The following HTR3C variants were observed in gnomAD, a reference collection of about 807,000 sequenced individuals.
HTR3C encodes the protein 5-HT3-C.
Under a neutral mutation model 40.5 loss-of-function variants are expected in HTR3C, and 32 were observed. That is an observed-to-expected ratio of 0.79 (90% CI 0.60 to 1.06). The LOEUF (loss-of-function observed/expected upper bound fraction) is 1.06, where lower values mean the gene tolerates loss of function less well. Among genes scored for constraint, HTR3C ranks in the 50% least tolerant of loss-of-function variants. The probability of loss-of-function intolerance (pLI) is 0.00; values close to 1 mark genes in which losing one functional copy is unlikely to be tolerated. For missense variants in HTR3C, 523 were observed against 556.8 expected (o/e 0.94, Z 0.61); for synonymous variants, 209 against 217.1 (o/e 0.96, Z 0.33).
At chr3:184,055,245 G>C in intron 2 of HTR3C, 67 bp from the exon 3 acceptor site, 1 of 1,020,440 alleles carries the variant, frequency 9.8e-7, no homozygotes, top group East Asian at 2.4e-5. Context: ...ATATTGGTGG[G>C]AATATGAGGT....
rs752545082 is a variant in HTR3C, at chr3:184,056,125, G to A, written c.280-52G>A. 59 of 1,206,444 alleles carry A rather than the reference G, an allele frequency of 4.9e-5. 1 individual carries two copies. Among genetic ancestry groups the A allele is most frequent in the South Asian group, 3.9e-4 (32 of 82,560 alleles). 74.7% of individuals were successfully genotyped at this position (1,206,444 alleles called of 1,614,324 possible). A position where few individuals can be genotyped will look rare whatever the true frequency, so the allele number is the denominator to read the frequency against. On this transcript the variant is annotated intron_variant, in intron 3 of 8. Coordinates refer to ENST00000318351, the MANE Select transcript of HTR3C (RefSeq NM_130770.3). ...AAGAATGGAAAGGGTGGGAGAGGCCGACAGGACAAGCTCACCGTCACTCAC... is the reference window on the plus strand; with the variant it reads ...AAGAATGGAAAGGGTGGGAGAGGCCAACAGGACAAGCTCACCGTCACTCAC...
In HTR3C at chr3:184,054,770, G is replaced by C. The variant is rs1443055878; in HGVS notation, c.117G>C (p.Gly39=). The change falls in exon 2 of 9, where the codon GGG becomes GGC. Residue 39 remains glycine, a synonymous_variant. Coordinates refer to ENST00000318351, the MANE Select transcript of HTR3C (RefSeq NM_130770.3). ...ATTGCTCAGGCTTTGACCAGCATGG[G>C]GTTGACCCTGCTGTCTTCCAAGCAG... The part of the protein sequence containing the change: ...TINCSGFDQH[G]VDPAVFQAVF... 1 of 1,613,516 alleles carries C rather than the reference G, an allele frequency of 6.2e-7. No homozygotes were observed. Among genetic ancestry groups the C allele is most frequent in the East Asian group, 2.2e-5 (1 of 44,834 alleles).
rs1331655145 is a variant in HTR3C at position 184,053,144 on chromosome 3, C to T, written c.64C>T (p.Gln22Ter). 1 of 1,613,012 alleles carries T rather than the reference C, an allele frequency of 6.2e-7. No individual in the cohort carries two copies. The highest frequency in any genetic ancestry group is 2.2e-5 in the East Asian group (1 of 44,900). Residue 22 changes from glutamine (Q) to a stop codon, truncating the protein, a stop_gained, in exon 1 of 9, where the codon CAA (glutamine) becomes TAA (stop). Coordinates refer to ENST00000318351, the MANE Select transcript of HTR3C (RefSeq NM_130770.3). LOFTEE classifies it high-confidence loss of function. ...LLCLTVSLLL[Q>*]GRGDAFTINC... is the part of the protein sequence containing the mutation. ...CTGCCTCACTGTCAGTCTTCTGCTT[C>T]AAGGTAAGATGGGACGAGAACAGGG...
chr3:184,054,647 A>G lies in HTR3C; in HGVS notation c.68-74A>G, dbSNP rs540102377. ...ACCTGCTCCTCTCAGTACGTCCCCT[A>G]TTTTATCTCTCTGCAGAGAGACTCC... is the stretch of plus-strand genomic sequence containing the variant. On this transcript the variant is annotated intron_variant, in intron 1 of 8. Coordinates refer to ENST00000318351, the MANE Select transcript of HTR3C (RefSeq NM_130770.3). 4.1e-5 allele frequency: 54 copies of G among 1,320,896 alleles called. No individual in the cohort carries two copies. The South Asian group carries it at 8.4e-4, about 21-fold the overall frequency. The allele number at this position is 1,320,896 out of a possible 1,614,324, so 81.8% of individuals were successfully genotyped here.
Position 184,059,937 on chromosome 3 carries a change from G to A in HTR3C, c.1035G>A (p.Arg345=). Residue 345 remains arginine, a synonymous_variant, in exon 8 of 9, where the codon AGG becomes AGA. Transcript: ENST00000318351. The part of the protein sequence containing the change: ...VATTQPPPMP[R]WLHSLLLHCT... ...CCACCCAGCCCCCACCCATGCCTAGGTGGCTTCACTCCCTGCTGCTCCACT... is the reference window on the plus strand; with the variant it reads ...CCACCCAGCCCCCACCCATGCCTAGATGGCTTCACTCCCTGCTGCTCCACT... The A allele has an allele frequency of 6.2e-7, 1 of 1,613,848 alleles. No individual in the cohort carries two copies. Among genetic ancestry groups the A allele is most frequent in the Non-Finnish European group, 8.5e-7 (1 of 1,180,018 alleles).
intron 5 of HTR3C, among the ~76,000 whole-genome samples, chr3:184,057,788 G>T (rs371607608): frequency 6.6e-6 from 1 of 152,096 alleles, no homozygotes; most frequent in African/African-American, 2.4e-5. Context: ...CCTAATAAGC[G>T]CACATCACCC....
At chr3:184,053,178 A>G in intron 1 of HTR3C, 31 bp downstream of exon 1, 1 of 1,578,524 alleles carries the variant, frequency 6.3e-7, no homozygotes, top group Non-Finnish European at 8.7e-7. Context: ...GGAAGACCAG[A>G]GTGTGGTTCC....
At chr3:184,054,669 C>T in intron 1 of HTR3C, 52 bp from the exon 2 acceptor site, 1 of 1,465,142 alleles carries the variant, frequency 6.8e-7, no homozygotes, top group African/African-American at 1.4e-5. Flanking sequence ...TGCAGAGAGA[C>T]TCCAGCCCTG....
chr3:184,054,773 T>C lies in HTR3C; in HGVS notation c.120T>C (p.Val40=). 6.2e-7 allele frequency: 1 copy of C among 1,613,674 alleles called. No individual in the cohort carries two copies. The highest frequency in any genetic ancestry group is 8.5e-7 in the Non-Finnish European group (1 of 1,179,734). ...INCSGFDQHG[V]DPAVFQAVFD... ...GCTCAGGCTTTGACCAGCATGGGGT[T>C]GACCCTGCTGTCTTCCAAGCAGTGT... The change falls in exon 2 of 9, where the codon GTT becomes GTC. Residue 40 remains valine (V), a synonymous_variant. Transcript: ENST00000318351.
chr3:184,056,422 C>T (rs1173672003), intron 4 of HTR3C, 136 bp downstream of exon 4: 17 of 661,686 alleles, frequency 2.6e-5, no homozygotes, highest in Non-Finnish European at 4.0e-5. Flanking sequence ...CACATCACTA[C>T]GAGTAGAAGA....
rs1723397266 is a variant in HTR3C, at chr3:184,059,484, C to A, written c.769C>A (p.Pro257Thr). 8 of 1,614,044 alleles carry A rather than the reference C, an allele frequency of 5.0e-6. No individual in the cohort carries two copies. Among genetic ancestry groups the A allele is most frequent in the Non-Finnish European group, 6.8e-6 (8 of 1,180,032 alleles). Residue 257 changes from proline to threonine, a missense_variant, in exon 7 of 9, where the codon CCC (proline) becomes ACC (threonine). By Grantham distance (38) the Pro-to-Thr change is conservative (BLOSUM62 -1). Coordinates refer to ENST00000318351, the MANE Select transcript of HTR3C (RefSeq NM_130770.3). Reference protein sequence around the residue: ...PSLYIINLLVPSSFLVAIDAL... With the variant: ...PSLYIINLLVTSSFLVAIDAL... ...CCTCTACATCATAAACCTGCTGGTG[C>A]CCAGTAGCTTTCTGGTTGCCATTGA...
In HTR3C at chr3:184,058,598, G is replaced by A. The variant is rs1158463452; in HGVS notation, c.720+11G>A. On this transcript the variant is annotated intron_variant, in intron 6 of 8. Coordinates refer to ENST00000318351, the MANE Select transcript of HTR3C (RefSeq NM_130770.3). The stretch of plus-strand genomic sequence containing the variant: ...CAGATCATGTTTTATGTGAGTCCAG[G>A]GGCCCCTGTTTGACTTCTGATCCCA... 6.2e-7 allele frequency: 1 copy of A among 1,604,376 alleles called. No homozygotes were observed. The highest frequency in any genetic ancestry group is 2.3e-5 in the East Asian group (1 of 44,128).
At chr3:184,056,466 G>T (rs1723328163) in intron 4 of HTR3C, among the ~76,000 whole-genome samples, 180 bp downstream of exon 4, 1 of 152,094 alleles carries the variant, frequency 6.6e-6, no homozygotes, top group Admixed American at 6.6e-5. Context: ...AGAGCCCAGG[G>T]CCAGGCGCGG....
Position 184,058,430 on chromosome 3 carries a change from ACAG to A in HTR3C, c.566_568del (p.Ser189del). ...AACTGACCGGCCTCCCTTCCAGTGG[ACAG>A]CATGCTGCTGGGCATGGACAAGGAG... On this transcript the variant is annotated inframe_deletion, in exon 6 of 9. Coordinates refer to ENST00000318351, the MANE Select transcript of HTR3C (RefSeq NM_130770.3). 1.2e-6 allele frequency: 2 copies of A among 1,604,808 alleles called. No individual in the cohort carries two copies. Among genetic ancestry groups the A allele is most frequent in the Non-Finnish European group, 1.7e-6 (2 of 1,176,744 alleles).
Position 184,059,629 on chromosome 3 carries a change from C to T in HTR3C, c.914C>T (p.Thr305Ile). The change falls in exon 7 of 9, where the codon ACC (threonine) becomes ATC (isoleucine). Residue 305 changes from threonine (T) to isoleucine (I), a missense_variant. Physicochemically the swap from Thr to Ile is moderately conservative, Grantham distance 89 (BLOSUM62 -1). Coordinates refer to ENST00000318351, the MANE Select transcript of HTR3C (RefSeq NM_130770.3). ...AATGACTTGCTCCCTGCCAGTGGCA[C>T]CCCCCTCATCAGTATGGCTCCTCCC... is the stretch of plus-strand genomic sequence containing the variant. ...MMNDLLPASG[T>I]PLISVYFALC... 6.2e-7 allele frequency: 1 copy of T among 1,614,004 alleles called. No homozygotes were observed. The highest frequency in any genetic ancestry group is 8.5e-7 in the Non-Finnish European group (1 of 1,179,936).
intron 1 of HTR3C, among the ~76,000 whole-genome samples, chr3:184,053,905 C>T (rs1490777265): frequency 2.0e-5 from 3 of 152,160 alleles, no homozygotes; most frequent in Non-Finnish European, 2.9e-5. Context: ...CAGGCGAGCG[C>T]CACTATGCCC....
At chr3:184,058,239 AATT>A (rs1723369289) in intron 5 of HTR3C, among the ~76,000 whole-genome samples, 185 bp from the exon 6 acceptor site, 1 of 152,198 alleles carries the variant, frequency 6.6e-6, no homozygotes, top group South Asian at 2.1e-4. Context: ...CAACAAAAGA[AATT>A]AATGCCGCTG....
At position 184,059,547 on chromosome 3, in the gene HTR3C, C is replaced by T. The variant is rs761075059; in HGVS notation, c.832C>T (p.Arg278Cys). The T allele has an allele frequency of 8.7e-6, 14 of 1,614,132 alleles. No homozygotes were observed. Among genetic ancestry groups the T allele is most frequent in the South Asian group, 1.1e-5 (1 of 91,082 alleles). Reference protein sequence around the residue: ...SFYLPAESENRAPFKITLLLG... With the variant: ...SFYLPAESENCAPFKITLLLG... ...CTACCTGCCAGCAGAGAGCGAGAAT[C>T]GTGCCCCATTCAAGATAACACTTCT... The change falls in exon 7 of 9, where the codon CGT (arginine) becomes TGT (cysteine). Residue 278 changes from arginine (R) to cysteine (C), a missense_variant. Transcript: ENST00000318351.
intron 5 of HTR3C, 87 bp downstream of exon 5, chr3:184,057,131 G>A (rs1723344831): frequency 1.0e-6 from 1 of 1,004,514 alleles, no homozygotes; most frequent in Non-Finnish European, 1.4e-6. Flanking sequence ...TTTTGGATCA[G>A]TGTTGCTCCA....
Sources: gnomAD v4.1 joint callset for allele counts (sites outside exome capture counted in the v4.1 genomes callset) on GRCh38, gnomAD v4.1.1 for gene constraint, MANE v1.5 for transcripts, NCBI Gene and HGNC (gene_info 2026-07-23, HGNC 2026-07-21) for gene names.